The following BARD1 variants were observed in gnomAD, a reference collection of about 807,000 sequenced individuals.
BARD1 encodes the protein BRCA1-associated RING domain protein 1.
A neutral mutation model predicts 77.0 loss-of-function variants in BARD1; 73 were observed. That is an observed-to-expected ratio of 0.95 (90% CI 0.79 to 1.15). The LOEUF (loss-of-function observed/expected upper bound fraction) is 1.15, where lower values mean the gene tolerates loss of function less well. Ranked by LOEUF, BARD1 falls within the 50% of genes most tolerant of loss-of-function variation. The pLI is 0.00. For synonymous variants in BARD1, 384 were observed against 338.0 expected, an observed-to-expected ratio of 1.14 and a Z score of -1.49; for missense variants, 993 against 938.8, an observed-to-expected ratio of 1.06 and a Z score of -0.75.
At chr2:214,803,186 C>A (rs898162021) in intron 1 of BARD1, among the ~76,000 whole-genome samples, 1 of 140,446 alleles carries the variant, frequency 7.1e-6, no homozygotes, top group South Asian at 2.2e-4. Context: ...ACAAACACTG[C>A]GGAAGGACCC....
rs587782415 is a variant in BARD1, at chr2:214,728,906, T to C, written c.2104A>G (p.Ile702Val). ...IKLVTAGGGQ[I>V]LSRKPKPDSD... is the part of the protein sequence containing the mutation. Reference sequence around the variant, plus strand: ...TCTGGCTTGGGCTTTCTACTGAGGATCTGGCCCCCACCTGCAGTGACGAGC... The same window carrying C: ...TCTGGCTTGGGCTTTCTACTGAGGACCTGGCCCCCACCTGCAGTGACGAGC... Residue 702 changes from isoleucine (I) to valine (V), a missense_variant, in exon 11 of 11, where the codon ATC (isoleucine) becomes GTC (valine). Transcript: ENST00000260947. The C allele has an allele frequency of 1.9e-6, 3 of 1,614,202 alleles. No homozygotes were observed. Among genetic ancestry groups the C allele is most frequent in the Non-Finnish European group, 2.5e-6 (3 of 1,180,028 alleles).
chr2:214,775,984 C>G (rs1314544662), intron 4 of BARD1, among the ~76,000 whole-genome samples: 5 of 152,196 alleles, frequency 3.3e-5, no homozygotes, highest in Non-Finnish European at 5.9e-5. Flanking sequence ...AAGTTAAACT[C>G]TAAATGAGAC....
At chr2:214,789,175 T>C (rs1695408237) in intron 3 of BARD1, among the ~76,000 whole-genome samples, 1 of 152,138 alleles carries the variant, frequency 6.6e-6, no homozygotes. Flanking sequence ...TATGAATGCA[T>C]AGATGTTATC....
chr2:214,779,024 T>C (rs1477266464), intron 4 of BARD1, among the ~76,000 whole-genome samples: 1 of 152,188 alleles, frequency 6.6e-6, no homozygotes, highest in Non-Finnish European at 1.5e-5. Flanking sequence ...TATGTACATA[T>C]AATATACATA....
At chr2:214,778,470 G>A (rs189189667) in intron 4 of BARD1, among the ~76,000 whole-genome samples, 283 of 151,804 alleles carry the variant, frequency 1.9e-3, no homozygotes, top group Non-Finnish European at 3.0e-3. Context: ...TAATAATTCC[G>A]GCAAAACTCT....
rs1692164735 is a variant in BARD1, at chr2:214,728,228, A to G, written c.*448T>C. ...ACCTATGGTGGCACATTTAGACCAA[A>G]TACTCTTTTTTCAATAAAGCCAAAA... On this transcript the variant is annotated 3_prime_UTR_variant, in exon 11 of 11. Transcript: ENST00000260947. The G allele has an allele frequency of 4.2e-6, 1 of 239,400 alleles. No homozygotes were observed. The highest frequency in any genetic ancestry group is 8.2e-6 in the Non-Finnish European group (1 of 122,674). 14.8% of individuals were successfully genotyped at this position (239,400 alleles called of 1,614,324 possible).
At position 214,809,449 on chromosome 2, in the gene BARD1, G is replaced by A. The variant is rs751665426; in HGVS notation, c.121C>T (p.Leu41Phe). The change falls in exon 1 of 11, where the codon CTC (leucine) becomes TTC (phenylalanine). Residue 41 changes from leucine (L) to phenylalanine (F), a missense_variant. Transcript: ENST00000260947. ...CGCAGCAGCTTCTCCAGGCGGTCGAGCGCGGCGCGACTGTGGGCCCAGGCA... is the reference window on the plus strand; with the variant it reads ...CGCAGCAGCTTCTCCAGGCGGTCGAACGCGGCGCGACTGTGGGCCCAGGCA... ...RGAWAHSRAA[L>F]DRLEKLLRCS... The A allele has an allele frequency of 1.1e-5, 17 of 1,611,730 alleles. No homozygotes were observed. Among genetic ancestry groups the A allele is most frequent in the Non-Finnish European group, 1.4e-5 (17 of 1,179,664 alleles).
chr2:214,746,706 A>C (rs934321058), intron 7 of BARD1, among the ~76,000 whole-genome samples: 27 of 152,160 alleles, frequency 1.8e-4, no homozygotes, highest in Non-Finnish European at 1.8e-4. Context: ...CATCTAACCT[A>C]AACGCTATAA....
intron 9 of BARD1, among the ~76,000 whole-genome samples, chr2:214,737,452 G>A (rs1370164514): frequency 6.6e-6 from 1 of 151,936 alleles, no homozygotes; most frequent in Non-Finnish European, 1.5e-5. Context: ...TTTATTTTTA[G>A]TTGGATCAAT....
chr2:214,779,946 C>T (rs1481658684), intron 4 of BARD1, among the ~76,000 whole-genome samples: 4 of 152,164 alleles, frequency 2.6e-5, no homozygotes, highest in African/African-American at 9.6e-5. Context: ...GTTCAGAAAA[C>T]AGGCCAGGTT....
intron 2 of BARD1, among the ~76,000 whole-genome samples, chr2:214,794,686 CT>C (rs1002164608): frequency 7.2e-5 from 11 of 152,128 alleles, no homozygotes; most frequent in African/African-American, 2.7e-4. Flanking sequence ...TTGAGCACCC[CT>C]GCCACATGTC....
At position 214,726,307 on chromosome 2, in the gene BARD1, AAC is replaced by A. The variant is rs1181674284; in HGVS notation, c.*2367_*2368del. The A allele has an allele frequency of 2.5e-5, 5 of 200,012 alleles. No homozygotes were observed. The highest frequency in any genetic ancestry group is 1.8e-4 in the Admixed American group (3 of 16,654). 12.4% of individuals were successfully genotyped at this position (200,012 alleles called of 1,614,324 possible). ...GTGGCAGCTGTCAAGGAAAAAGGGA[AAC>A]AGTTATAAATTCAAGTAGAACTAGA... On this transcript the variant is annotated 3_prime_UTR_variant, in exon 11 of 11. Transcript: ENST00000260947.
At chr2:214,780,444 C>A (rs1302033735) in intron 4 of BARD1, 116 bp downstream of exon 4, 20 of 892,086 alleles carry the variant, frequency 2.2e-5, no homozygotes, top group Non-Finnish European at 3.5e-5. Context: ...GAGGAAGTAT[C>A]ATGTCTGTGA....
At chr2:214,785,238 C>T (rs1211431756) in intron 3 of BARD1, among the ~76,000 whole-genome samples, 2 of 151,896 alleles carry the variant, frequency 1.3e-5, no homozygotes, top group East Asian at 3.9e-4. Flanking sequence ...ATACAATGAA[C>T]CTAAGAGTGT....
chr2:214,748,252 A>G (rs367878378), intron 7 of BARD1, among the ~76,000 whole-genome samples: 1 of 152,168 alleles, frequency 6.6e-6, no homozygotes, highest in Non-Finnish European at 1.5e-5. Flanking sequence ...CTATAATAAA[A>G]CATAAAGCAA....
At chr2:214,764,451 A>C (rs965074521) in intron 6 of BARD1, among the ~76,000 whole-genome samples, 1 of 152,186 alleles carries the variant, frequency 6.6e-6, no homozygotes, top group African/African-American at 2.4e-5. Flanking sequence ...CAAATATTCT[A>C]GACAATGCAA....
At chr2:214,743,117 C>G (rs1004083922) in intron 9 of BARD1, among the ~76,000 whole-genome samples, 1 of 152,170 alleles carries the variant, frequency 6.6e-6, no homozygotes, top group African/African-American at 2.4e-5. Context: ...AGTGGCATTG[C>G]TAGTCACAGC....
At chr2:214,764,693 C>T (rs764982896) in intron 6 of BARD1, among the ~76,000 whole-genome samples, 4 of 152,028 alleles carry the variant, frequency 2.6e-5, no homozygotes, top group Non-Finnish European at 5.9e-5. Flanking sequence ...GGATTTTAAG[C>T]AAATAAATGA....
chr2:214,786,498 T>TA (rs1695284199), intron 3 of BARD1, among the ~76,000 whole-genome samples: 1 of 152,082 alleles, frequency 6.6e-6, no homozygotes, highest in African/African-American at 2.4e-5. Flanking sequence ...ATTTCTTGAG[T>TA]ACAAAAGTCC....
Sources: allele counts gnomAD v4.1 joint callset (sites outside exome capture counted in the v4.1 genomes callset), GRCh38; gene constraint gnomAD v4.1.1; transcripts MANE v1.5; gene names NCBI Gene and HGNC (gene_info 2026-07-23, HGNC 2026-07-21).